ARSG: variants seen among roughly 807,000 people sequenced by gnomAD.
ARSG encodes arylsulfatase G.
Under a neutral mutation model 50.5 loss-of-function variants are expected in ARSG, and 37 were observed. The ratio of observed to expected loss-of-function variants is 0.73; its 90% CI spans 0.56 to 0.96. The LOEUF (loss-of-function observed/expected upper bound fraction) is 0.96, where lower values mean the gene tolerates loss of function less well. ARSG is among the 50% of genes least tolerant of loss of function. ARSG has a pLI of 0.00. For synonymous variants in ARSG, 225 were observed against 254.6 expected (o/e 0.88, Z 1.11); for missense variants, 629 against 675.3 (o/e 0.93, Z 0.76).
At chr17:68,421,647 G>A (rs181918317), downstream of ARSG, 5 of 1,386,514 alleles carry the variant, frequency 3.6e-6, no homozygotes, top group East Asian at 1.1e-4. Context: ...GGTTTAAGCA[G>A]TGGAGCACCC....
intron 1 of ARSG, among the ~76,000 whole-genome samples, chr17:68,305,328 T>G (rs2076567308): frequency 6.6e-6 from 1 of 152,234 alleles, no homozygotes; most frequent in South Asian, 2.1e-4. Flanking sequence ...TCAGTTAGAT[T>G]AAGCAGTTTC....
At chr17:68,272,100 C>CT (rs1233447512) in intron 1 of ARSG, among the ~76,000 whole-genome samples, 6 of 152,064 alleles carry the variant, frequency 3.9e-5, no homozygotes, top group East Asian at 1.9e-4. Context: ...TGCACCTGGC[C>CT]TTTTTTTGTG....
At chr17:68,400,829 A>G (rs559819120) in intron 10 of ARSG, among the ~76,000 whole-genome samples, 2 of 152,126 alleles carry the variant, frequency 1.3e-5, no homozygotes, top group African/African-American at 2.4e-5. Context: ...CCTTTTGCCT[A>G]CTCTTCCAGA....
At chr17:68,313,679 C>T (rs1220110292) in intron 2 of ARSG, among the ~76,000 whole-genome samples, 4 of 40,778 alleles carry the variant, frequency 9.8e-5, no homozygotes, top group African/African-American at 3.5e-4. Flanking sequence ...ATCTCTCTCT[C>T]TCTCTTTTTT....
In ARSG at chr17:68,307,370, G is replaced by T. The variant is rs1192301030; in HGVS notation, c.-124G>T. 4 of 734,634 alleles carry T rather than the reference G, an allele frequency of 5.4e-6. No individual in the cohort carries two copies. The African/African-American group carries it at 7.1e-5, about 13-fold the overall frequency. 45.5% of individuals were successfully genotyped at this position (734,634 alleles called of 1,614,324 possible). ...TCACCACTGCCACCAGCATCTTCTT[G>T]CAGATTCCACCCCTGCTCCCCAGAG... On this transcript the variant is annotated 5_prime_UTR_variant, in exon 2 of 12. Coordinates refer to ENST00000621439, the MANE Select transcript of ARSG (RefSeq NM_001267727.2).
chr17:68,403,726 T>C (rs2081580639), intron 11 of ARSG, among the ~76,000 whole-genome samples: 1 of 152,226 alleles, frequency 6.6e-6, no homozygotes, highest in Non-Finnish European at 1.5e-5. Context: ...TTTATTATTA[T>C]ACTTTAAGTT....
intron 11 of ARSG, chr17:68,414,263 A>G (rs1298232650): frequency 1.3e-5 from 2 of 152,230 alleles, no homozygotes; most frequent in Non-Finnish European, 2.9e-5. Flanking sequence ...TACTGCATCT[A>G]TTGAGATGAC....
chr17:68,421,906 A>C (rs2082804844), downstream of ARSG: 4 of 1,561,312 alleles, frequency 2.6e-6, no homozygotes, highest in South Asian at 4.4e-5. Context: ...GTGCCCATGC[A>C]GAGTGAGCAG....
At chr17:68,417,862 C>G (rs1362532836) in intron 11 of ARSG, among the ~76,000 whole-genome samples, 1 of 144,980 alleles carries the variant, frequency 6.9e-6, no homozygotes, top group African/African-American at 2.5e-5. Context: ...TCCCAGGTAG[C>G]CGGGATTACA....
At chr17:68,439,389 T>C in the ARSG span, among the ~76,000 whole-genome samples, 1 of 152,158 alleles carries the variant, frequency 6.6e-6, no homozygotes, top group African/African-American at 2.4e-5. Context: ...GGAACCGATA[T>C]TGTATGAGTC....
chr17:68,402,031 G>A (rs904481344), intron 11 of ARSG, among the ~76,000 whole-genome samples: 6 of 152,118 alleles, frequency 3.9e-5, no homozygotes, highest in African/African-American at 1.4e-4. Flanking sequence ...AGTTTTCCAA[G>A]AACAAGTCTC....
chr17:68,276,273 A>G (rs1250276345), intron 1 of ARSG, among the ~76,000 whole-genome samples: 1 of 151,792 alleles, frequency 6.6e-6, no homozygotes, highest in African/African-American at 2.4e-5. Context: ...AGAAATTTCT[A>G]CCTTACCCAA....
chr17:68,356,879 C>T, intron 6 of ARSG, 75 bp downstream of exon 6: 6 of 1,582,538 alleles, frequency 3.8e-6, no homozygotes, highest in Non-Finnish European at 5.2e-6. Context: ...TGTCCCTTGG[C>T]CTCAGCACGC....
chr17:68,450,649 T>C, the ARSG span: 1 of 1,506,282 alleles, frequency 6.6e-7, no homozygotes, highest in Non-Finnish European at 8.9e-7. Flanking sequence ...TTACAGACAT[T>C]GATCTTGAAA....
At chr17:68,322,641 A>T (rs978236214) in intron 2 of ARSG, among the ~76,000 whole-genome samples, 4 of 80,198 alleles carry the variant, frequency 5.0e-5, no homozygotes, top group Non-Finnish European at 9.4e-5. Context: ...AAAAAAATTA[A>T]AAAAAAAAGA....
At chr17:68,430,656 C>T in the ARSG span, among the ~76,000 whole-genome samples, 1 of 152,160 alleles carries the variant, frequency 6.6e-6, no homozygotes. Flanking sequence ...TGGAGTCACC[C>T]AGGTACCCAG....
chr17:68,334,211 G>C (rs1752384079), intron 2 of ARSG, among the ~76,000 whole-genome samples: 3 of 152,176 alleles, frequency 2.0e-5, no homozygotes, highest in Admixed American at 2.0e-4. Flanking sequence ...CTTCCAGATG[G>C]ACAGGACTGG....
intron 9 of ARSG, among the ~76,000 whole-genome samples, chr17:68,387,118 C>T (rs1346653430): frequency 1.6e-5 from 2 of 123,954 alleles, no homozygotes; most frequent in East Asian, 2.2e-4. Context: ...CACACACACA[C>T]ATACCTTTTA....
At chr17:68,423,308 A>G (rs1177280782), downstream of ARSG, among the ~76,000 whole-genome samples, 1 of 152,186 alleles carries the variant, frequency 6.6e-6, no homozygotes, top group Non-Finnish European at 1.5e-5. The surrounding 1 kb of genome is among the most constrained non-coding windows in gnomAD (Gnocchi z 4.4). Context: ...GATGGGCCAT[A>G]TTGATAGAGC....
Sources: allele counts gnomAD v4.1 joint callset (sites outside exome capture counted in the v4.1 genomes callset), GRCh38; gene constraint gnomAD v4.1.1; non-coding constraint Gnocchi (gnomAD v3.1); transcripts MANE v1.5; gene names NCBI Gene and HGNC (gene_info 2026-07-23, HGNC 2026-07-21).